ACTR3: variants seen among roughly 807,000 people sequenced by gnomAD.
ACTR3 encodes actin-related protein 3.
In ACTR3, 12 loss-of-function variants were observed where a neutral mutation model predicts 56.8. The ratio of observed to expected loss-of-function variants is 0.21; its 90% CI spans 0.14 to 0.34. The LOEUF (loss-of-function observed/expected upper bound fraction) is 0.34, where lower values mean the gene tolerates loss of function less well. Ranked by LOEUF, ACTR3 falls within the 10% of genes least tolerant of loss-of-function variation. The pLI is 1.00. For synonymous variants in ACTR3, 162 were observed against 167.4 expected (o/e 0.97, Z 0.25); for missense variants, 282 against 512.5 (o/e 0.55, Z 4.34).
chr2:113,955,771 G>T, intron 11 of ACTR3, 65 bp downstream of exon 11: 1 of 1,338,054 alleles, frequency 7.5e-7, no homozygotes, highest in Admixed American at 1.9e-5. Context: ...TTTTGAGGTG[G>T]ACTTTCGCTC....
At chr2:113,918,984 CAT>C (rs941985471) in intron 3 of ACTR3, among the ~76,000 whole-genome samples, 25 of 152,184 alleles carry the variant, frequency 1.6e-4, no homozygotes, top group Non-Finnish European at 3.1e-4. Flanking sequence ...GAAAACTTCA[CAT>C]GTCAAAGAAC....
chr2:113,912,575 T>A (rs1232232741), intron 1 of ACTR3, among the ~76,000 whole-genome samples: 3 of 152,228 alleles, frequency 2.0e-5, no homozygotes, highest in Non-Finnish European at 1.5e-5. Flanking sequence ...TCATTTCTGT[T>A]CATCATGCCC....
intron 6 of ACTR3, among the ~76,000 whole-genome samples, 155 bp from the exon 7 acceptor site, chr2:113,939,804 T>C (rs528252375): frequency 2.4e-4 from 37 of 152,338 alleles, no homozygotes; most frequent in African/African-American, 8.7e-4. Context: ...TTAGTTATAG[T>C]TTCTGAGGAA....
At chr2:113,957,111 C>T (rs952267293) in intron 11 of ACTR3, among the ~76,000 whole-genome samples, 3 of 152,136 alleles carry the variant, frequency 2.0e-5, no homozygotes, top group Non-Finnish European at 2.9e-5. Flanking sequence ...TCAGAATCCT[C>T]GCAGCAGGTG....
chr2:113,900,382 A>G (rs1368293721), intron 1 of ACTR3, among the ~76,000 whole-genome samples: 1 of 152,140 alleles, frequency 6.6e-6, no homozygotes, highest in African/African-American at 2.4e-5. Flanking sequence ...GAATCATACA[A>G]TTTGTGGCTT....
At chr2:113,907,866 G>A (rs1679225057) in intron 1 of ACTR3, among the ~76,000 whole-genome samples, 1 of 151,388 alleles carries the variant, frequency 6.6e-6, no homozygotes. Flanking sequence ...CAGCTACTTG[G>A]GAGGCTAAGG....
intron 1 of ACTR3, among the ~76,000 whole-genome samples, chr2:113,911,125 C>T (rs1326845840): frequency 6.6e-6 from 1 of 152,002 alleles, no homozygotes; most frequent in East Asian, 1.9e-4. Context: ...GTAGTAGGAG[C>T]AGTGTTAATA....
chr2:113,894,555 CT>C (rs1678968978), intron 1 of ACTR3, among the ~76,000 whole-genome samples: 1 of 152,198 alleles, frequency 6.6e-6, no homozygotes, highest in South Asian at 2.1e-4. Flanking sequence ...CAGACTCTTA[CT>C]TAGACTTAGC....
chr2:113,942,461 A>G (rs767980556), intron 8 of ACTR3, 102 bp downstream of exon 8: 1 of 754,820 alleles, frequency 1.3e-6, no homozygotes, highest in Non-Finnish European at 1.9e-6. Context: ...TAGTACACTA[A>G]AAGTTTGAGT....
intron 3 of ACTR3, among the ~76,000 whole-genome samples, chr2:113,920,651 T>C (rs1029378824): frequency 3.9e-5 from 6 of 152,210 alleles, no homozygotes; most frequent in African/African-American, 1.4e-4. Flanking sequence ...TTCTTTCCCC[T>C]ACCCTTTCCA....
At chr2:113,950,617 C>A (rs1370353369) in intron 8 of ACTR3, among the ~76,000 whole-genome samples, 2 of 152,036 alleles carry the variant, frequency 1.3e-5, no homozygotes, top group African/African-American at 4.8e-5. Context: ...TTATTTCATC[C>A]CCTATTGATG....
intron 3 of ACTR3, among the ~76,000 whole-genome samples, chr2:113,922,097 T>G (rs905203514): frequency 4.6e-5 from 7 of 151,768 alleles, no homozygotes; most frequent in Admixed American, 2.0e-4. Context: ...TTTAGAAGAG[T>G]AGTTGGGCTA....
At chr2:113,890,575 C>A in intron 1 of ACTR3, 1 of 1,364,974 alleles carries the variant, frequency 7.3e-7, no homozygotes, top group Non-Finnish European at 9.4e-7. Flanking sequence ...TTTCTCCGCG[C>A]GACCCCTCCC....
At chr2:113,934,122 A>G (rs189755973) in intron 5 of ACTR3, 157 bp from the exon 6 acceptor site, 294 of 579,396 alleles carry the variant, frequency 5.1e-4, no homozygotes, top group Admixed American at 8.6e-4. Flanking sequence ...TTTATTGCAT[A>G]ATACAAAATT....
rs926062387 is a variant in ACTR3 at position 113,960,422 on chromosome 2, G to T, written c.*2967G>T. 7 of 151,860 alleles carry T rather than the reference G, an allele frequency of 4.6e-5. No homozygotes were observed. Among genetic ancestry groups the T allele is most frequent in the African/African-American group, 1.7e-4 (7 of 41,368 alleles). The allele number at this position is 151,860 out of a possible 1,614,324, so 9.4% of individuals were successfully genotyped here. A position where few individuals can be genotyped will look rare whatever the true frequency, so the allele number is the denominator to read the frequency against. On this transcript the variant is annotated 3_prime_UTR_variant, in exon 12 of 12. Transcript: ENST00000263238. Reference sequence around the variant, plus strand: ...GCAGATATTTCTAGGAATATTTTTAGAAATAATATGAAATACAGGGATAAT... The same window carrying T: ...GCAGATATTTCTAGGAATATTTTTATAAATAATATGAAATACAGGGATAAT...
intron 8 of ACTR3, among the ~76,000 whole-genome samples, chr2:113,942,929 T>C (rs2104620538): frequency 6.6e-6 from 1 of 152,340 alleles, no homozygotes; most frequent in African/African-American, 2.4e-5. Context: ...ATTACTAATA[T>C]TACGTACTTA....
chr2:113,892,562 A>T (rs574697301), intron 1 of ACTR3, among the ~76,000 whole-genome samples: 25 of 152,194 alleles, frequency 1.6e-4, no homozygotes, highest in Middle Eastern at 3.2e-3. Flanking sequence ...CTTTATTTGC[A>T]CATGGAGGAT....
At chr2:113,946,630 A>G (rs190561681) in intron 8 of ACTR3, among the ~76,000 whole-genome samples, 92 of 152,258 alleles carry the variant, frequency 6.0e-4, no homozygotes, top group African/African-American at 2.1e-3. Context: ...GTAATTTGCA[A>G]AGATTTTCTC....
chr2:113,890,152 C>T lies in ACTR3; in HGVS notation c.-128C>T, dbSNP rs1192920436. On this transcript the variant is annotated 5_prime_UTR_variant, in exon 1 of 12. Transcript: ENST00000263238. ...TCTTGCTACTGCTTCGGCTTCCCGG[C>T]TACCCCCCGGACGGTGAAGGCGGCC... 3 of 1,261,290 alleles carry T rather than the reference C, an allele frequency of 2.4e-6. No individual in the cohort carries two copies. The highest frequency in any genetic ancestry group is 2.2e-6 in the Non-Finnish European group (2 of 891,688). 78.1% of individuals were successfully genotyped at this position (1,261,290 alleles called of 1,614,324 possible).
Sources: gnomAD v4.1 joint callset for allele counts (sites outside exome capture counted in the v4.1 genomes callset) on GRCh38, gnomAD v4.1.1 for gene constraint, MANE v1.5 for transcripts, NCBI Gene and HGNC (gene_info 2026-07-23, HGNC 2026-07-21) for gene names.